Variants in PHF24 observed in about 807,000 individuals in gnomAD.
PHF24 encodes the protein PHD finger protein 24, also known as Galpha inhibitory interacting protein.
Under a neutral mutation model 42.6 loss-of-function variants are expected in PHF24, and 25 were observed. That is an observed-to-expected ratio of 0.59 (90% confidence interval 0.43 to 0.82). PHF24 has a LOEUF of 0.82. PHF24 is among the 40% of genes least tolerant of loss of function. The probability of loss-of-function intolerance (pLI) is 0.00; values close to 1 mark genes in which losing one functional copy is unlikely to be tolerated. For synonymous variants in PHF24, 185 were observed against 204.8 expected, an observed-to-expected ratio of 0.90 and a Z score of 0.83; for missense variants, 470 against 538.1, an observed-to-expected ratio of 0.87 and a Z score of 1.25.
chr9:34,755,865 T>C, the PHF24 span, among the ~76,000 whole-genome samples: 1 of 152,128 alleles, frequency 6.6e-6, no homozygotes, highest in Non-Finnish European at 1.5e-5. Flanking sequence ...TTAATATTTT[T>C]ACCCATTCTG....
At chr9:34,887,427 G>A in the PHF24 span, among the ~76,000 whole-genome samples, 1 of 152,196 alleles carries the variant, frequency 6.6e-6, no homozygotes, top group South Asian at 2.1e-4. Context: ...ATACCATGTG[G>A]CCCCTTACCA....
intron 3 of PHF24, among the ~76,000 whole-genome samples, chr9:34,972,867 T>C (rs891440099): frequency 5.7e-5 from 8 of 140,218 alleles, no homozygotes; most frequent in African/African-American, 2.2e-4. Flanking sequence ...CGAGCCGAAA[T>C]CGCGCCACTG....
At chr9:34,718,916 G>A in the PHF24 span, among the ~76,000 whole-genome samples, 1 of 152,216 alleles carries the variant, frequency 6.6e-6, no homozygotes, top group African/African-American at 2.4e-5. Context: ...AGCTCTAGAA[G>A]GTCGGGGCCA....
chr9:34,958,316 G>C (rs1308646510), upstream of PHF24: 1 of 151,210 alleles, frequency 6.6e-6, no homozygotes, highest in Non-Finnish European at 1.5e-5. The surrounding 1 kb of genome is among the most constrained non-coding windows in gnomAD (Gnocchi z 4.5). Context: ...CAGCACGCCG[G>C]CTCTCGGGCT....
the PHF24 span, among the ~76,000 whole-genome samples, chr9:34,948,521 T>C: frequency 6.6e-6 from 1 of 152,130 alleles, no homozygotes; most frequent in Non-Finnish European, 1.5e-5. Context: ...ACCTTTTATA[T>C]GGTTAGATAG....
At chr9:34,776,591 C>A in the PHF24 span, among the ~76,000 whole-genome samples, 17 of 152,220 alleles carry the variant, frequency 1.1e-4, no homozygotes, top group African/African-American at 4.1e-4. Context: ...CATTCATATC[C>A]TGAATTGTTT....
the PHF24 span, among the ~76,000 whole-genome samples, chr9:34,721,449 T>C: frequency 2.7e-5 from 4 of 150,618 alleles, no homozygotes; most frequent in African/African-American, 7.4e-5. Flanking sequence ...AGTTTTGCTC[T>C]TGTCGCCCAG....
At chr9:34,704,130 T>C in the PHF24 span, among the ~76,000 whole-genome samples, 1 of 151,426 alleles carries the variant, frequency 6.6e-6, no homozygotes, top group East Asian at 1.9e-4. Context: ...GGCAATCAAG[T>C]GATCCTCCCA....
the PHF24 span, among the ~76,000 whole-genome samples, chr9:34,928,899 G>GTC: frequency 6.6e-6 from 1 of 152,314 alleles, no homozygotes; most frequent in South Asian, 2.1e-4. Context: ...TAGTCCAGGA[G>GTC]TCCCTTGGTC....
the PHF24 span, among the ~76,000 whole-genome samples, chr9:34,858,866 CTTG>C: frequency 2.1e-4 from 32 of 152,172 alleles, no homozygotes; most frequent in East Asian, 3.9e-4. Context: ...TGCCTAGTGA[CTTG>C]TTGTTGTTGT....
the PHF24 span, among the ~76,000 whole-genome samples, chr9:34,865,983 C>T: frequency 6.6e-6 from 1 of 152,308 alleles, no homozygotes; most frequent in Non-Finnish European, 1.5e-5. Flanking sequence ...TTGTAACTTA[C>T]TCATGGAAGA....
the PHF24 span, among the ~76,000 whole-genome samples, chr9:34,746,340 C>G: frequency 4.0e-4 from 61 of 152,274 alleles, no homozygotes; most frequent in Admixed American, 7.8e-4. Context: ...ATACCAAAGC[C>G]TGACAACTAT....
the PHF24 span, among the ~76,000 whole-genome samples, chr9:34,732,705 C>T: frequency 1.3e-5 from 2 of 152,146 alleles, no homozygotes. Flanking sequence ...GCCCCTAGAT[C>T]AATTTCCTGG....
chr9:34,848,538 G>A, the PHF24 span, among the ~76,000 whole-genome samples: 33 of 151,838 alleles, frequency 2.2e-4, no homozygotes, highest in African/African-American at 2.7e-4. Flanking sequence ...TTGTTGATCC[G>A]TTCAAAAAAC....
intron 3 of PHF24, among the ~76,000 whole-genome samples, chr9:34,972,786 C>T (rs773514535): frequency 5.3e-5 from 8 of 151,906 alleles, no homozygotes; most frequent in African/African-American, 1.5e-4. Flanking sequence ...TGGTGGCACG[C>T]GCCTGTAGTC....
the PHF24 span, among the ~76,000 whole-genome samples, chr9:34,712,081 G>A: frequency 6.6e-6 from 1 of 151,842 alleles, no homozygotes; most frequent in Admixed American, 6.6e-5. Flanking sequence ...AGTTTTGCTG[G>A]ATATATAGAA....
chr9:34,895,435 A>C, the PHF24 span: 1 of 397,092 alleles, frequency 2.5e-6, no homozygotes, highest in Non-Finnish European at 4.4e-6. Context: ...GCCAACCAGA[A>C]TAATCACCCA....
At chr9:34,971,762 C>G in intron 2 of PHF24, 86 bp downstream of exon 2, 1 of 1,440,376 alleles carries the variant, frequency 6.9e-7, no homozygotes, top group Non-Finnish European at 9.2e-7. Context: ...AGGTGATCCT[C>G]AAAACCGGAA....
chr9:34,945,422 C>T, the PHF24 span, among the ~76,000 whole-genome samples: 5 of 152,134 alleles, frequency 3.3e-5, no homozygotes, highest in South Asian at 2.1e-4. Context: ...TATCAGAACA[C>T]GACATAGGTC....
Sources: allele counts gnomAD v4.1 joint callset (sites outside exome capture counted in the v4.1 genomes callset), GRCh38; gene constraint gnomAD v4.1.1; non-coding constraint Gnocchi (gnomAD v3.1); transcripts MANE v1.5; gene names NCBI Gene and HGNC (gene_info 2026-07-23, HGNC 2026-07-21).